Variants in PDZRN4 observed in about 807,000 individuals in gnomAD.
The protein encoded by PDZRN4 is PDZ domain-containing RING finger protein 4.
A neutral mutation model predicts 99.0 loss-of-function variants in PDZRN4; 70 were observed. The ratio of observed to expected loss-of-function variants is 0.71; its 90% CI spans 0.58 to 0.86. The LOEUF (loss-of-function observed/expected upper bound fraction) is 0.86, where lower values mean the gene tolerates loss of function less well. PDZRN4 is among the 40% of genes least tolerant of loss of function. The pLI, the probability that PDZRN4 is intolerant of heterozygous loss-of-function variation, is 0.00. For missense variants in PDZRN4, 1,474 were observed against 1,331.2 expected, an observed-to-expected ratio of 1.11 and a Z score of -1.67; for synonymous variants, 551 against 501.6, an observed-to-expected ratio of 1.10 and a Z score of -1.32.
At chr12:41,398,095 T>C (rs1291618414) in intron 3 of PDZRN4, among the ~76,000 whole-genome samples, 1 of 152,110 alleles carries the variant, frequency 6.6e-6, no homozygotes, top group Non-Finnish European at 1.5e-5. Flanking sequence ...CTGAGCCATA[T>C]GATATGTTCT....
At position 41,392,235 on chromosome 12, in the gene PDZRN4, A is replaced by G. The variant is rs535103560; in HGVS notation, c.844-114221A>G. On this transcript the variant is annotated intron_variant, in intron 3 of 9. Coordinates refer to ENST00000402685, the MANE Select transcript of PDZRN4 (RefSeq NM_001164595.2). ...CTTCCACTGGTGTTCCTCTAGGACA[A>G]TGATTCTTATGTTTCTTTGATCATG... 7.0e-4 allele frequency among the ~76,000 whole-genome samples: 106 copies of G among 152,224 alleles called. 3 individuals are homozygous for G. Among genetic ancestry groups the G allele is most frequent in the African/African-American group, 2.0e-3 (83 of 41,546 alleles).
rs181997425 is a variant in PDZRN4 at position 41,424,313 on chromosome 12, T to C, written c.844-82143T>C. Among the ~76,000 whole-genome samples the C allele has an allele frequency of 6.1e-3, 923 of 152,290 alleles. 12 individuals are homozygous for C. The highest frequency in any genetic ancestry group is 6.6e-3 in the Non-Finnish European group (447 of 68,016). ...ATGACACACCATGTATATACTTAGT[T>C]TGATTATATAAAGCTTTCCTTATGT... On this transcript the variant is annotated intron_variant, in intron 3 of 9. Coordinates refer to ENST00000402685, the MANE Select transcript of PDZRN4 (RefSeq NM_001164595.2).
chr12:41,573,620 G>A lies in PDZRN4; in HGVS notation c.2841G>A (p.Lys947=). 1 of 1,614,076 alleles carries A rather than the reference G, an allele frequency of 6.2e-7. No homozygotes were observed. Among genetic ancestry groups the A allele is most frequent in the African/African-American group, 1.3e-5 (1 of 75,034 alleles). The change falls in exon 10 of 10, where the codon AAG becomes AAA. Residue 947 remains lysine (K), a synonymous_variant. Transcript: ENST00000402685. The part of the protein sequence containing the change: ...MGRYWSKEER[K]QHLVRAKEQR... ...GCTACTGGAGCAAAGAGGAGAGAAA[G>A]CAGCACCTGGTTAGGGCCAAAGAGC...
intron 3 of PDZRN4, among the ~76,000 whole-genome samples, chr12:41,483,551 T>C (rs1286317248): frequency 6.6e-6 from 1 of 152,090 alleles, no homozygotes; most frequent in Non-Finnish European, 1.5e-5. Flanking sequence ...CGCTATTCCT[T>C]TGTAAAAGCA....
intron 3 of PDZRN4, among the ~76,000 whole-genome samples, chr12:41,417,931 A>G (rs971209262): frequency 2.0e-5 from 3 of 152,232 alleles, no homozygotes; most frequent in African/African-American, 7.2e-5. Flanking sequence ...CTTGATAGCC[A>G]TGTAACACAA....
intron 3 of PDZRN4, among the ~76,000 whole-genome samples, chr12:41,244,044 C>T (rs1951117701): frequency 6.6e-6 from 1 of 151,520 alleles, no homozygotes; most frequent in East Asian, 1.9e-4. Flanking sequence ...TAGGTCTGAC[C>T]TTTATCCCAA....
intron 3 of PDZRN4, among the ~76,000 whole-genome samples, chr12:41,267,472 T>A (rs1435659930): frequency 6.6e-6 from 1 of 152,088 alleles, no homozygotes; most frequent in African/African-American, 2.4e-5. Flanking sequence ...GGGTTTTCCA[T>A]CGAATCAGAG....
At chr12:41,439,745 C>T (rs1332015933) in intron 3 of PDZRN4, among the ~76,000 whole-genome samples, 1 of 152,094 alleles carries the variant, frequency 6.6e-6, no homozygotes, top group Non-Finnish European at 1.5e-5. Flanking sequence ...TTCTCTACTC[C>T]TGAGTTGCAG....
chr12:41,303,389 C>T (rs182535354), intron 3 of PDZRN4, among the ~76,000 whole-genome samples: 32 of 152,210 alleles, frequency 2.1e-4, no homozygotes, highest in African/African-American at 6.7e-4. Context: ...CTCATGCCTA[C>T]GGGCTTCGCA....
At chr12:41,251,937 G>A (rs1720561015) in intron 3 of PDZRN4, among the ~76,000 whole-genome samples, 1 of 152,054 alleles carries the variant, frequency 6.6e-6, no homozygotes, top group South Asian at 2.1e-4. Flanking sequence ...GCAACACACT[G>A]AAACCCTGTC....
chr12:41,465,333 A>C (rs2120548043), intron 3 of PDZRN4, among the ~76,000 whole-genome samples: 1 of 152,358 alleles, frequency 6.6e-6, no homozygotes, highest in Admixed American at 6.5e-5. Context: ...ATATCTAAAC[A>C]CATTAGTGAA....
At chr12:41,554,291 T>A (rs1463009558) in intron 6 of PDZRN4, among the ~76,000 whole-genome samples, 1 of 152,208 alleles carries the variant, frequency 6.6e-6, no homozygotes, top group East Asian at 1.9e-4. Context: ...ATACAGTTCA[T>A]GAATCACCCT....
chr12:41,517,026 A>G (rs2730831), intron 5 of PDZRN4, among the ~76,000 whole-genome samples: 23,540 of 151,982 alleles, frequency 0.15, 2,152 homozygotes, highest in African/African-American at 0.26. Context: ...AGTTGGCAAC[A>G]GTTACCACAG....
At chr12:41,470,351 G>T (rs1236857836) in intron 3 of PDZRN4, among the ~76,000 whole-genome samples, 2 of 152,032 alleles carry the variant, frequency 1.3e-5, no homozygotes, top group African/African-American at 4.8e-5. Context: ...ATACTCTTTT[G>T]TTTTGTTTTG....
At chr12:41,571,911 T>G (rs1316655056) in intron 9 of PDZRN4, among the ~76,000 whole-genome samples, 1 of 152,238 alleles carries the variant, frequency 6.6e-6, no homozygotes, top group Admixed American at 6.5e-5. Flanking sequence ...TGAAGTTTCC[T>G]CTGTACTTAA....
At chr12:41,206,510 A>C (rs1417850809) in intron 3 of PDZRN4, among the ~76,000 whole-genome samples, 1 of 151,398 alleles carries the variant, frequency 6.6e-6, no homozygotes, top group Non-Finnish European at 1.5e-5. Flanking sequence ...TATTAAGCTT[A>C]ATTATTTATT....
At chr12:41,387,162 C>A (rs1464778519) in intron 3 of PDZRN4, among the ~76,000 whole-genome samples, 8 of 152,120 alleles carry the variant, frequency 5.3e-5, no homozygotes, top group African/African-American at 1.7e-4. Context: ...GCAAAATGAA[C>A]TATCAACAGA....
intron 3 of PDZRN4, among the ~76,000 whole-genome samples, chr12:41,234,870 A>T (rs1951055170): frequency 6.6e-6 from 1 of 152,052 alleles, no homozygotes; most frequent in Non-Finnish European, 1.5e-5. Flanking sequence ...AATGAGCACG[A>T]GTGAATAAAT....
intron 5 of PDZRN4, among the ~76,000 whole-genome samples, chr12:41,544,884 C>A (rs1238533552): frequency 1.3e-5 from 2 of 152,136 alleles, no homozygotes; most frequent in Non-Finnish European, 2.9e-5. Flanking sequence ...GAATGTGAAT[C>A]CCAACTCCAC....
Sources: gnomAD v4.1 joint callset for allele counts (sites outside exome capture counted in the v4.1 genomes callset) on GRCh38, gnomAD v4.1.1 for gene constraint, MANE v1.5 for transcripts, NCBI Gene and HGNC (gene_info 2026-07-23, HGNC 2026-07-21) for gene names.